The following UGT2B4 variants were observed in gnomAD, a reference collection of about 807,000 sequenced individuals.
The protein encoded by UGT2B4 is UDP-glucuronosyltransferase 2B4.
A neutral mutation model predicts 49.8 loss-of-function variants in UGT2B4; 49 were observed. That is an observed-to-expected ratio of 0.98 (90% confidence interval 0.78 to 1.25). The LOEUF is 1.25. Ranked by LOEUF, UGT2B4 falls within the 50% of genes most tolerant of loss-of-function variation. The pLI is 0.00. For synonymous variants in UGT2B4, 246 were observed against 217.7 expected (o/e 1.13, Z -1.14); for missense variants, 729 against 627.7 (o/e 1.16, Z -1.73).
At chr4:69,496,609 G>A (rs979057452), upstream of UGT2B4, among the ~76,000 whole-genome samples, 1 of 152,128 alleles carries the variant, frequency 6.6e-6, no homozygotes, top group Non-Finnish European at 1.5e-5. Context: ...TACCGTAAGA[G>A]TCAATTTTAG....
At chr4:69,498,125 G>C (rs1040124921), upstream of UGT2B4, among the ~76,000 whole-genome samples, 5 of 152,206 alleles carry the variant, frequency 3.3e-5, no homozygotes, top group African/African-American at 1.2e-4. Context: ...AGAATTAATA[G>C]ACTGCAGCAT....
At chr4:69,495,056 C>A in intron 1 of UGT2B4, 85 bp downstream of exon 1, 1 of 1,295,998 alleles carries the variant, frequency 7.7e-7, no homozygotes. Context: ...ACCCCACTAC[C>A]CTGACTTTAT....
intron 3 of UGT2B4, among the ~76,000 whole-genome samples, chr4:69,488,764 C>T (rs181129576): frequency 3.2e-4 from 49 of 152,148 alleles, no homozygotes; most frequent in African/African-American, 1.1e-3. Context: ...CATCTCCACC[C>T]TTTCTCTTTC....
At chr4:69,516,514 TA>T in intron 1 of UGT2B4, among the ~76,000 whole-genome samples, 1 of 152,370 alleles carries the variant, frequency 6.6e-6, no homozygotes, top group Non-Finnish European at 1.5e-5. Flanking sequence ...GACTTTTTAA[TA>T]ATTGCCATTC....
Position 69,495,624 on chromosome 4 carries a change from A to G in UGT2B4, c.238T>C (p.Ser80Pro), listed in dbSNP as rs41299978. 2,266 of 1,614,002 alleles carry G rather than the reference A, an allele frequency of 1.4e-3. 38 individuals are homozygous for G. The African/African-American group carries it at 0.027, about 19-fold the overall frequency. Residue 80 changes from serine to proline, a missense_variant, in exon 1 of 6, where the codon TCT becomes CCT. Ser to Pro is a moderately conservative substitution (Grantham distance 74, BLOSUM62 -1). Coordinates refer to ENST00000305107, the MANE Select transcript of UGT2B4 (RefSeq NM_021139.3). ...TCCTCAAACTCAGTTTTAGTTAAAG[A>G]TACAGGATAAACTTCAAATTTAAGA... ...STLKFEVYPV[S>P]LTKTEFEDII...
intron 1 of UGT2B4, among the ~76,000 whole-genome samples, chr4:69,510,785 T>C (rs951241161): frequency 1.3e-5 from 2 of 152,088 alleles, no homozygotes; most frequent in African/African-American, 4.8e-5. Context: ...TTTTCCTTTC[T>C]GTGTTATATA....
chr4:69,515,302 A>G (rs1296138114), intron 1 of UGT2B4, among the ~76,000 whole-genome samples: 1 of 152,236 alleles, frequency 6.6e-6, no homozygotes, highest in Non-Finnish European at 1.5e-5. Flanking sequence ...AAAAAACTGA[A>G]TTCATAACAG....
At chr4:69,508,059 G>T (rs555782488) in intron 1 of UGT2B4, among the ~76,000 whole-genome samples, 1 of 152,116 alleles carries the variant, frequency 6.6e-6, no homozygotes, top group East Asian at 1.9e-4. Context: ...CTTTTCAAAA[G>T]AAGATATACC....
At chr4:69,484,419 C>G (rs1727702386) in intron 5 of UGT2B4, among the ~76,000 whole-genome samples, 1 of 152,034 alleles carries the variant, frequency 6.6e-6, no homozygotes, top group Admixed American at 6.5e-5. Flanking sequence ...ATGGCATACC[C>G]ATATTATAAA....
At chr4:69,500,531 AGAAG>A (rs562328088), upstream of UGT2B4, among the ~76,000 whole-genome samples, 393 of 150,700 alleles carry the variant, frequency 2.6e-3, 4 homozygotes, top group African/African-American at 9.1e-3. Flanking sequence ...AAAGAAAGAA[AGAAG>A]AAAGAAAGAA....
intron 5 of UGT2B4, 36 bp from the exon 6 acceptor site, chr4:69,480,946 T>A: frequency 6.2e-7 from 1 of 1,602,692 alleles, no homozygotes; most frequent in Non-Finnish European, 8.5e-7. Flanking sequence ...ACATTGAAAG[T>A]AAGTTAATTT....
intron 2 of UGT2B4, among the ~76,000 whole-genome samples, chr4:69,492,729 G>A (rs1728026808): frequency 6.6e-6 from 1 of 152,004 alleles, no homozygotes; most frequent in African/African-American, 2.4e-5. Flanking sequence ...GACATTTTAA[G>A]TGGTTTATTT....
chr4:69,514,505 G>C (rs1728682122), intron 1 of UGT2B4, among the ~76,000 whole-genome samples: 1 of 152,164 alleles, frequency 6.6e-6, no homozygotes, highest in Non-Finnish European at 1.5e-5. Context: ...TGTTGTATAG[G>C]AGTGGGGAGA....
upstream of UGT2B4, chr4:69,496,062 G>A (rs1728154493): frequency 7.8e-6 from 6 of 769,858 alleles, no homozygotes; most frequent in Admixed American, 2.0e-4. Context: ...TGCGTTTAAT[G>A]TTCTTTTTGG....
In UGT2B4 at chr4:69,480,474, G is replaced by A. The variant is rs1477368625; in HGVS notation, c.*160C>T. 9.3e-7 allele frequency: 1 copy of A among 1,073,978 alleles called. No individual in the cohort carries two copies. Among genetic ancestry groups the A allele is most frequent in the Non-Finnish European group, 1.3e-6 (1 of 762,288 alleles). The allele number at this position is 1,073,978 out of a possible 1,614,324, so 66.5% of individuals were successfully genotyped here. On this transcript the variant is annotated 3_prime_UTR_variant, in exon 6 of 6. Coordinates refer to ENST00000305107, the MANE Select transcript of UGT2B4 (RefSeq NM_021139.3). ...TCCTTGACATGAAATATTTCTAATG[G>A]TTAAACAGGTACTAAAACAAATTTT...
chr4:69,502,089 CTCTCTTTCTT>C (rs1181018026), intron 1 of UGT2B4, among the ~76,000 whole-genome samples: 31 of 84,148 alleles, frequency 3.7e-4, no homozygotes, highest in African/African-American at 1.4e-3. Context: ...CTTTCTTTCT[CTCTCTTTCTT>C]TCTTTCTTTC....
intron 2 of UGT2B4, among the ~76,000 whole-genome samples, chr4:69,493,072 T>A (rs923210829): frequency 6.6e-6 from 1 of 152,152 alleles, no homozygotes; most frequent in African/African-American, 2.4e-5. Flanking sequence ...TGATTCTTAC[T>A]CAGTATCTTC....
At chr4:69,506,294 T>C (rs770011476) in intron 1 of UGT2B4, among the ~76,000 whole-genome samples, 108 of 152,018 alleles carry the variant, frequency 7.1e-4, no homozygotes, top group Non-Finnish European at 1.0e-3. Context: ...AGAATCTGGG[T>C]ATTTTTTTGA....
chr4:69,481,507 AAT>A (rs1727590531), intron 5 of UGT2B4, among the ~76,000 whole-genome samples: 1 of 152,168 alleles, frequency 6.6e-6, no homozygotes, highest in Non-Finnish European at 1.5e-5. Context: ...ACATATGAGC[AAT>A]TTTATTTTCT....
Sources: allele counts gnomAD v4.1 joint callset (sites outside exome capture counted in the v4.1 genomes callset), GRCh38; gene constraint gnomAD v4.1.1; transcripts MANE v1.5; gene names NCBI Gene and HGNC (gene_info 2026-07-23, HGNC 2026-07-21).